Variants in EPHX2 observed in about 807,000 individuals in gnomAD.
EPHX2 encodes the protein bifunctional epoxide hydrolase 2.
In EPHX2, 74 loss-of-function variants were observed where a neutral mutation model predicts 78.7. The ratio of observed to expected loss-of-function variants is 0.94; its 90% CI spans 0.78 to 1.14. EPHX2 has a LOEUF of 1.14. Ranked by LOEUF, EPHX2 falls within the 50% of genes most tolerant of loss-of-function variation. The pLI is 0.00. For synonymous variants in EPHX2, 251 were observed against 255.2 expected (o/e 0.98, Z 0.16); for missense variants, 715 against 702.5 (o/e 1.02, Z -0.20).
intron 2 of EPHX2, among the ~76,000 whole-genome samples, chr8:27,501,373 TTC>T (rs1563340290): frequency 7.5e-6 from 1 of 134,020 alleles, no homozygotes; most frequent in Non-Finnish European, 1.6e-5. Context: ...CTTCTTCTTC[TTC>T]TTCTTCTTCT....
At chr8:27,524,891 A>G (rs1303985958) in intron 11 of EPHX2, among the ~76,000 whole-genome samples, 2 of 152,144 alleles carry the variant, frequency 1.3e-5, no homozygotes, top group Non-Finnish European at 2.9e-5. Flanking sequence ...TGAGGATAAA[A>G]ACGATATTTT....
intron 6 of EPHX2, among the ~76,000 whole-genome samples, chr8:27,514,060 G>A (rs4149240): frequency 0.11 from 16,639 of 152,242 alleles, 1,308 homozygotes; most frequent in Middle Eastern, 0.23. Flanking sequence ...GCTCATGCCT[G>A]TAATCCCAGC....
rs1367776572 is a variant in EPHX2, at chr8:27,525,348, T to C, written c.1059-14T>C. 1.9e-6 allele frequency: 3 copies of C among 1,612,688 alleles called. No homozygotes were observed. The East Asian group carries it at 6.7e-5, about 36-fold the overall frequency. On this transcript the variant is annotated splice_polypyrimidine_tract_variant and intron_variant, in intron 11 of 18. Coordinates refer to ENST00000521400, the MANE Select transcript of EPHX2 (RefSeq NM_001979.6). ...CTTACAGGGGCTATGTCTTGCTGCC[T>C]CTTATTTCTGTAGGGCGGTGGCCAG...
chr8:27,506,735 G>T, intron 4 of EPHX2, 137 bp from the exon 5 acceptor site: 2 of 1,251,734 alleles, frequency 1.6e-6, no homozygotes, highest in Non-Finnish European at 2.2e-6. Flanking sequence ...CGTATGTTGT[G>T]TAATTAAATG....
At chr8:27,494,533 G>A (rs1056567739) in intron 1 of EPHX2, among the ~76,000 whole-genome samples, 10 of 152,168 alleles carry the variant, frequency 6.6e-5, no homozygotes, top group Non-Finnish European at 2.9e-5. Flanking sequence ...AATTTGCAAA[G>A]GTATCAACAC....
At chr8:27,542,092 C>A (rs1815421663) in intron 16 of EPHX2, among the ~76,000 whole-genome samples, 1 of 152,048 alleles carries the variant, frequency 6.6e-6, no homozygotes. Flanking sequence ...AAATCTGTTC[C>A]CCAGTGTGAC....
chr8:27,536,707 T>A, intron 12 of EPHX2, 77 bp from the exon 13 acceptor site: 1 of 1,525,148 alleles, frequency 6.6e-7, no homozygotes, highest in Non-Finnish European at 9.1e-7. Flanking sequence ...TGCTTGTTGC[T>A]TTCAGTCAGA....
intron 1 of EPHX2, among the ~76,000 whole-genome samples, chr8:27,497,512 T>C (rs1813616684): frequency 6.6e-6 from 1 of 152,224 alleles, no homozygotes; most frequent in Non-Finnish European, 1.5e-5. Flanking sequence ...TTTTCCTTTT[T>C]GGCCTGTTCC....
chr8:27,508,196 G>A (rs886622430), intron 5 of EPHX2, among the ~76,000 whole-genome samples: 1 of 152,208 alleles, frequency 6.6e-6, no homozygotes, highest in African/African-American at 2.4e-5. Flanking sequence ...CCAGCTGCTC[G>A]GGAAGCTGAG....
At chr8:27,520,794 T>G in intron 9 of EPHX2, 89 bp from the exon 10 acceptor site, 1 of 1,521,306 alleles carries the variant, frequency 6.6e-7, no homozygotes, top group Non-Finnish European at 9.1e-7. Context: ...AACACAGCAG[T>G]TTTGGGGAGG....
At chr8:27,524,068 G>C (rs1016997936) in intron 11 of EPHX2, among the ~76,000 whole-genome samples, 5 of 151,942 alleles carry the variant, frequency 3.3e-5, no homozygotes, top group African/African-American at 1.2e-4. Flanking sequence ...GAGTAGCTGG[G>C]ACCACAGGCA....
chr8:27,525,068 C>CTGTGTGTGTG (rs56963159), intron 11 of EPHX2, among the ~76,000 whole-genome samples: 76 of 131,216 alleles, frequency 5.8e-4, no homozygotes, highest in East Asian at 3.0e-3. Context: ...AGTATGTGTA[C>CTGTGTGTGTG]TGTGTGTGTG....
chr8:27,526,194 T>C (rs1814841021), intron 12 of EPHX2, among the ~76,000 whole-genome samples: 1 of 152,258 alleles, frequency 6.6e-6, no homozygotes, highest in Non-Finnish European at 1.5e-5. Flanking sequence ...CCACCTCTGC[T>C]CCTCTTAGGA....
At chr8:27,503,500 T>C in intron 2 of EPHX2, 104 bp from the exon 3 acceptor site, 1 of 1,276,226 alleles carries the variant, frequency 7.8e-7, no homozygotes, top group Non-Finnish European at 1.1e-6. Flanking sequence ...TGTCCAGGAG[T>C]GGAATTGCTT....
At chr8:27,518,493 G>A (rs1449270247) in intron 9 of EPHX2, among the ~76,000 whole-genome samples, 2 of 152,198 alleles carry the variant, frequency 1.3e-5, no homozygotes, top group African/African-American at 4.8e-5. Context: ...TCTAAGACAG[G>A]TGTAAGCACC....
intron 7 of EPHX2, 97 bp from the exon 8 acceptor site, chr8:27,516,223 A>G: frequency 8.2e-7 from 1 of 1,224,480 alleles, no homozygotes; most frequent in Non-Finnish European, 1.2e-6. Flanking sequence ...TCTTGGTTTG[A>G]TCCATTTACA....
chr8:27,544,727 A>G lies in EPHX2; in HGVS notation c.*205A>G. 1 of 601,426 alleles carries G rather than the reference A, an allele frequency of 1.7e-6. No individual in the cohort carries two copies. The allele number at this position is 601,426 out of a possible 1,614,324, so 37.3% of individuals were successfully genotyped here. ...GATCCCAGAGAAATCAGGTGTGATT[A>G]GTTCTCCAGGCATGAATGCATCGTC... On this transcript the variant is annotated 3_prime_UTR_variant, in exon 19 of 19. Transcript: ENST00000521400.
intron 12 of EPHX2, among the ~76,000 whole-genome samples, chr8:27,532,034 C>T (rs1054274896): frequency 5.3e-5 from 8 of 152,054 alleles, no homozygotes; most frequent in South Asian, 2.1e-4. Context: ...GTGCTGAATA[C>T]GCACATGGGA....
At chr8:27,520,286 C>T (rs146490208) in intron 9 of EPHX2, among the ~76,000 whole-genome samples, 5,823 of 152,008 alleles carry the variant, frequency 0.038, 345 homozygotes, top group African/African-American at 0.13. Context: ...CTGCCTCAGC[C>T]TCCTGAGTAG....
Sources: allele counts gnomAD v4.1 joint callset (sites outside exome capture counted in the v4.1 genomes callset), GRCh38; gene constraint gnomAD v4.1.1; transcripts MANE v1.5; gene names NCBI Gene and HGNC (gene_info 2026-07-23, HGNC 2026-07-21).